Variants in EIF3B observed in about 807,000 individuals in gnomAD.
The protein encoded by EIF3B is eukaryotic translation initiation factor 3 subunit 9.
In EIF3B, 10 loss-of-function variants were observed where a neutral mutation model predicts 104.6. The observed-to-expected ratio is 0.10, with a 90% confidence interval of 0.06 to 0.16. The LOEUF (loss-of-function observed/expected upper bound fraction) is 0.16, where lower values mean the gene tolerates loss of function less well. Among genes scored for constraint, EIF3B ranks in the 10% least tolerant of loss-of-function variants. The probability of loss-of-function intolerance (pLI) is 1.00; values close to 1 mark genes in which losing one functional copy is unlikely to be tolerated. For missense variants in EIF3B, 1,014 were observed against 1,087.9 expected (o/e 0.93, Z 0.96); for synonymous variants, 542 against 417.2 (o/e 1.30, Z -3.65).
chr7:2,355,240 G>A lies in EIF3B; in HGVS notation c.319G>A (p.Ala107Thr), dbSNP rs1300965664. The change falls in exon 1 of 19, where the codon GCC (alanine) becomes ACC (threonine). Residue 107 changes from alanine (A) to threonine (T), a missense_variant. Ala to Thr is a moderately conservative substitution (Grantham distance 58). Coordinates refer to ENST00000360876, the MANE Select transcript of EIF3B (RefSeq NM_001037283.2). ...GCCCCCTGTCCCGGCACAGGGCGAG[G>A]CCCCAGGAGAGCAGGCTCGGGACGA... ...AEPPVPAQGE[A>T]PGEQARDERS... The A allele has an allele frequency of 2.6e-6, 4 of 1,515,772 alleles. No homozygotes were observed. Among genetic ancestry groups the A allele is most frequent in the Non-Finnish European group, 3.5e-6 (4 of 1,139,568 alleles). The allele number at this position is 1,515,772 out of a possible 1,614,324, so 93.9% of individuals were successfully genotyped here.
At chr7:2,366,937 G>A (rs1196800175) in intron 8 of EIF3B, 62 bp from the exon 9 acceptor site, 3 of 1,527,752 alleles carry the variant, frequency 2.0e-6, no homozygotes, top group Non-Finnish European at 2.7e-6. Flanking sequence ...TAAAAAGTTA[G>A]GTGTGTTTCT....
intron 10 of EIF3B, among the ~76,000 whole-genome samples, chr7:2,370,057 G>A (rs551760620): frequency 6.6e-5 from 10 of 152,242 alleles, no homozygotes; most frequent in African/African-American, 9.6e-5. Flanking sequence ...GATTACAGGC[G>A]TGAGCCACCG....
chr7:2,380,263 G>C lies in EIF3B; in HGVS notation c.*74G>C, dbSNP rs754747525. The C allele has an allele frequency of 2.0e-6, 1 of 492,636 alleles. No homozygotes were observed. The highest frequency in any genetic ancestry group is 4.0e-6 in the Non-Finnish European group (1 of 247,046). The allele number at this position is 492,636 out of a possible 1,614,324, so 30.5% of individuals were successfully genotyped here. A position where few individuals can be genotyped will look rare whatever the true frequency, so the allele number is the denominator to read the frequency against. ...TACAGGACTCCCGAGTGTGAGCCGCGGTTCCTCTGTTGCAGCGCAGCCGTG... is the reference window on the plus strand; with the variant it reads ...TACAGGACTCCCGAGTGTGAGCCGCCGTTCCTCTGTTGCAGCGCAGCCGTG... On this transcript the variant is annotated 3_prime_UTR_variant, in exon 19 of 19. Coordinates refer to ENST00000360876, the MANE Select transcript of EIF3B (RefSeq NM_001037283.2).
chr7:2,357,439 G>A (rs936058285), intron 1 of EIF3B, among the ~76,000 whole-genome samples: 3 of 152,178 alleles, frequency 2.0e-5, no homozygotes, highest in South Asian at 2.1e-4. Context: ...GTGCAAGACC[G>A]TAGGTGACTG....
At chr7:2,378,372 G>A (rs533212309) in intron 15 of EIF3B, 11 of 260,830 alleles carry the variant, frequency 4.2e-5, no homozygotes, top group East Asian at 2.6e-4. Flanking sequence ...AGGAACAGGC[G>A]AGCGCTCCTG....
chr7:2,367,824 AATTTTTTTTTTTTTTTTTTTTT>A (rs1780111654), intron 9 of EIF3B, among the ~76,000 whole-genome samples: 14 of 101,758 alleles, frequency 1.4e-4, no homozygotes, highest in African/African-American at 5.8e-4. Context: ...CTTTTTTTAA[AATTTTTTTTTTTTTTTTTTTTT>A]TTTTTTTTTT....
chr7:2,358,446 C>T (rs1168997266), intron 1 of EIF3B, among the ~76,000 whole-genome samples: 1 of 152,008 alleles, frequency 6.6e-6, no homozygotes, highest in Non-Finnish European at 1.5e-5. Flanking sequence ...CTGGAGTGAG[C>T]CACCATGCCC....
Position 2,355,305 on chromosome 7 carries a change from G to C in EIF3B, c.384G>C (p.Ala128=). The C allele has an allele frequency of 6.5e-7, 1 of 1,539,924 alleles. No homozygotes were observed. The highest frequency in any genetic ancestry group is 1.4e-5 in the African/African-American group (1 of 73,052). ...GGGCCCAGGCGGTGTCCGAGGACGCGGGAGGAAACGAGGGCAGAGCGGCCG... is the reference window on the plus strand; with the variant it reads ...GGGCCCAGGCGGTGTCCGAGGACGCCGGAGGAAACGAGGGCAGAGCGGCCG... ...DSRAQAVSED[A]GGNEGRAAEA... is the part of the protein sequence containing the mutation. Residue 128 remains alanine, a synonymous_variant, in exon 1 of 19, where the codon GCG becomes GCC. Coordinates refer to ENST00000360876, the MANE Select transcript of EIF3B (RefSeq NM_001037283.2).
chr7:2,362,438 G>A (rs1435875665), intron 2 of EIF3B, among the ~76,000 whole-genome samples: 4 of 152,122 alleles, frequency 2.6e-5, no homozygotes, highest in South Asian at 2.1e-4. Context: ...TAGAGACTTC[G>A]GATCTTCTGG....
At chr7:2,374,028 G>A (rs1465518060) in intron 12 of EIF3B, 1 of 153,046 alleles carries the variant, frequency 6.5e-6, no homozygotes, top group African/African-American at 2.4e-5. Context: ...AGGGGGACTT[G>A]AGCCAGCCCC....
rs1312999224 is a variant in EIF3B at position 2,380,217 on chromosome 7, C to A, written c.*28C>A. The A allele has an allele frequency of 7.6e-6, 3 of 393,670 alleles. No individual in the cohort carries two copies. The highest frequency in any genetic ancestry group is 7.5e-5 in the East Asian group (1 of 13,406). 24.4% of individuals were successfully genotyped at this position (393,670 alleles called of 1,614,324 possible). A position where few individuals can be genotyped will look rare whatever the true frequency, so the allele number is the denominator to read the frequency against. The stretch of plus-strand genomic sequence containing the variant: ...CTGTCTATCCAGGGGACGGACTCCG[C>A]CTGCTGTTCCCGCGCTGAGCTACAG... On this transcript the variant is annotated 3_prime_UTR_variant, in exon 19 of 19. Coordinates refer to ENST00000360876, the MANE Select transcript of EIF3B (RefSeq NM_001037283.2).
At chr7:2,376,599 C>T (rs548764373) in intron 14 of EIF3B, 6 of 227,740 alleles carry the variant, frequency 2.6e-5, no homozygotes, top group African/African-American at 6.9e-5. Context: ...AGTTAGCTTA[C>T]GTTTGGCACA....
At position 2,363,609 on chromosome 7, in the gene EIF3B, T is replaced by A. The variant is rs754373365; in HGVS notation, c.871-23T>A. 3.2e-6 allele frequency: 5 copies of A among 1,586,060 alleles called. No homozygotes were observed. In the South Asian group the frequency reaches 5.8e-5, roughly 18 times the overall value. On this transcript the variant is annotated intron_variant, in intron 4 of 18. Transcript: ENST00000360876. ...TTTTATTAAAATTAATGAAATGTTA[T>A]ATTCCTTGTCTTTGTTTTTAAGGGG...
chr7:2,362,961 G>T lies in EIF3B; in HGVS notation c.813-109G>T, dbSNP rs897322836. 34 of 1,479,182 alleles carry T rather than the reference G, an allele frequency of 2.3e-5. 1 individual carries two copies. Among genetic ancestry groups the T allele is most frequent in the South Asian group, 8.0e-5 (7 of 87,428 alleles). 91.6% of individuals were successfully genotyped at this position (1,479,182 alleles called of 1,614,324 possible). A position where few individuals can be genotyped will look rare whatever the true frequency, so the allele number is the denominator to read the frequency against. ...ACCCCTCCCTGTTATGCCAGTCACAGCCCTGGGGGCGGGCAGGCAGGAGCA... is the reference window on the plus strand; with the variant it reads ...ACCCCTCCCTGTTATGCCAGTCACATCCCTGGGGGCGGGCAGGCAGGAGCA... On this transcript the variant is annotated intron_variant, in intron 3 of 18. Transcript: ENST00000360876.
chr7:2,379,555 C>A, intron 18 of EIF3B, 44 bp downstream of exon 18: 1 of 1,233,978 alleles, frequency 8.1e-7, no homozygotes, highest in Non-Finnish European at 1.2e-6. Context: ...GTTGGCTGCT[C>A]ATGCTGCTTC....
intron 5 of EIF3B, 137 bp from the exon 6 acceptor site, chr7:2,364,235 C>G (rs973352849): frequency 1.8e-5 from 14 of 779,084 alleles, no homozygotes; most frequent in African/African-American, 1.6e-4. Context: ...GCACTCCAGC[C>G]TGGGAGACAG....
rs76310347 is a variant in EIF3B at position 2,361,031 on chromosome 7, C to T, written c.692+129C>T. The T allele has an allele frequency of 2.3e-3, 1,500 of 656,168 alleles. 15 individuals carry two copies. The African/African-American group carries it at 0.023, about 10-fold the overall frequency. The allele number at this position is 656,168 out of a possible 1,614,324, so 40.6% of individuals were successfully genotyped here. ...ACGTGGGCCGTTCACTTCTTCAGGC[C>T]GCCCTCAGCTGGAAGCTATCCAGAG... On this transcript the variant is annotated intron_variant, in intron 2 of 18. Coordinates refer to ENST00000360876, the MANE Select transcript of EIF3B (RefSeq NM_001037283.2).
intron 11 of EIF3B, 23 bp downstream of exon 11, chr7:2,371,872 T>A: frequency 1.3e-6 from 2 of 1,587,832 alleles, no homozygotes; most frequent in Non-Finnish European, 1.7e-6. Flanking sequence ...TTAGTCACTT[T>A]GAGGCGAATG....
In EIF3B at chr7:2,377,213, C is replaced by T. The variant is rs75709406; in HGVS notation, c.2154+138C>T. ...CATTTGCAAGGATTCTTTGAAGAGA[C>T]GCAGGAACAGTGAGAACTGAATGGA... On this transcript the variant is annotated intron_variant, in intron 15 of 18. Coordinates refer to ENST00000360876, the MANE Select transcript of EIF3B (RefSeq NM_001037283.2). The T allele has an allele frequency of 1.6e-3, 1,863 of 1,194,982 alleles. 7 individuals carry two copies. Among genetic ancestry groups the T allele is most frequent in the Middle Eastern group, 0.011 (55 of 5,094 alleles). The allele number at this position is 1,194,982 out of a possible 1,614,324, so 74.0% of individuals were successfully genotyped here.
Sources: gnomAD v4.1 joint callset for allele counts (sites outside exome capture counted in the v4.1 genomes callset) on GRCh38, gnomAD v4.1.1 for gene constraint, MANE v1.5 for transcripts, NCBI Gene and HGNC (gene_info 2026-07-23, HGNC 2026-07-21) for gene names.